The following NTRK3 variants were observed in gnomAD, a reference collection of about 807,000 sequenced individuals.
The protein encoded by NTRK3 is neurotrophic receptor tyrosine kinase 3, also known as NT-3 growth factor receptor.
Under a neutral mutation model 91.7 loss-of-function variants are expected in NTRK3, and 24 were observed. The observed-to-expected ratio is 0.26, with a 90% CI of 0.19 to 0.37. The LOEUF (loss-of-function observed/expected upper bound fraction) is 0.37, where lower values mean the gene tolerates loss of function less well. NTRK3 is among the 10% of genes least tolerant of loss of function. NTRK3 has a pLI of 1.00. For synonymous variants in NTRK3, 483 were observed against 404.0 expected, an observed-to-expected ratio of 1.20 and a Z score of -2.34; for missense variants, 880 against 1,068.9, an observed-to-expected ratio of 0.82 and a Z score of 2.46.
intron 5 of NTRK3, among the ~76,000 whole-genome samples, chr15:88,158,603 C>T (rs566409645): frequency 4.6e-5 from 7 of 152,348 alleles, no homozygotes; most frequent in African/African-American, 1.4e-4. Flanking sequence ...TTGCACCAGA[C>T]CTTGAGTGTT....
intron 5 of NTRK3, among the ~76,000 whole-genome samples, chr15:88,156,800 C>T (rs1468904100): frequency 6.6e-6 from 1 of 152,188 alleles, no homozygotes; most frequent in Non-Finnish European, 1.5e-5. Flanking sequence ...TTGAAGACAA[C>T]CTTTTCTTTT....
Position 88,133,345 on chromosome 15 carries a change from C to A in NTRK3, c.1204+1756G>T, listed in dbSNP as rs114460348. Among the ~76,000 whole-genome samples the A allele has an allele frequency of 6.8e-3, 1,039 of 152,232 alleles. 17 individuals carry two copies. The highest frequency in any genetic ancestry group is 0.024 in the African/African-American group (993 of 41,534). On this transcript the variant is annotated intron_variant, in intron 10 of 18. Transcript: ENST00000394480. ...GGAGAGAACGGAGAAGCTGTATCCA[C>A]CACATCATCCAACTGCTGCTGCTAC...
In NTRK3 at chr15:88,239,872, G is replaced by T. The variant is rs78408666; in HGVS notation, c.248+16034C>A. ...ATATCAACAGTCACTCTCAAAGTGT[G>T]GTCCTGGACTCGATGCGAATTCTCA... is the stretch of plus-strand genomic sequence containing the variant. On this transcript the variant is annotated intron_variant, in intron 3 of 18. Coordinates refer to ENST00000394480, the Ensembl canonical transcript of NTRK3. Among the ~76,000 whole-genome samples the T allele has an allele frequency of 4.7e-3, 710 of 152,260 alleles. 2 individuals are homozygous for T. Among genetic ancestry groups the T allele is most frequent in the African/African-American group, 0.016 (685 of 41,540 alleles).
At chr15:88,020,847 C>A (rs573592332) in intron 14 of NTRK3, among the ~76,000 whole-genome samples, 22 of 152,320 alleles carry the variant, frequency 1.4e-4, no homozygotes, top group Non-Finnish European at 8.8e-5. Flanking sequence ...AGCCGCTAGA[C>A]CCTGCCTACT....
chr15:87,946,760 A>C (rs2070550769), intron 14 of NTRK3, among the ~76,000 whole-genome samples: 1 of 151,460 alleles, frequency 6.6e-6, no homozygotes. Context: ...GCTCGTTGTT[A>C]TCCCTCTGTG....
chr15:88,017,472 CA>C (rs2077313982), intron 14 of NTRK3, among the ~76,000 whole-genome samples: 1 of 152,246 alleles, frequency 6.6e-6, no homozygotes, highest in Non-Finnish European at 1.5e-5. Context: ...AGAAAGAAGA[CA>C]ACTTCTGCTC....
intron 13 of NTRK3, among the ~76,000 whole-genome samples, chr15:88,100,300 A>G (rs1403408910): frequency 2.0e-5 from 3 of 152,186 alleles, no homozygotes; most frequent in Non-Finnish European, 1.5e-5. Flanking sequence ...TGTTATAACC[A>G]AACAGCCAAA....
intron 3 of NTRK3, among the ~76,000 whole-genome samples, chr15:88,221,743 C>T (rs547917876): frequency 1.6e-4 from 25 of 152,254 alleles, no homozygotes; most frequent in East Asian, 5.8e-4. Context: ...AGGCCAGTCC[C>T]GTAGTGACGG....
intron 10 of NTRK3, among the ~76,000 whole-genome samples, chr15:88,134,157 G>T (rs7165979): frequency 5.9e-5 from 9 of 152,018 alleles, no homozygotes; most frequent in African/African-American, 7.3e-5. Flanking sequence ...CTGATTCCTA[G>T]GGATTGAAGA....
intron 3 of NTRK3, among the ~76,000 whole-genome samples, chr15:88,218,613 T>C (rs2049988861): frequency 6.6e-6 from 1 of 152,218 alleles, no homozygotes; most frequent in Admixed American, 6.5e-5. Context: ...GCTGGAGCCC[T>C]GTGCACCACT....
In NTRK3 at chr15:88,235,137, A is replaced by G. The variant is rs74027915; in HGVS notation, c.248+20769T>C. ...AGCACTCTGTTGAGTACCTTCACGG[A>G]ACTTCTTACTCCTGATATGATTGTA... On this transcript the variant is annotated intron_variant, in intron 3 of 18. Coordinates refer to ENST00000394480, the Ensembl canonical transcript of NTRK3. The surrounding 1 kb of genome is among the most constrained non-coding windows in gnomAD (Gnocchi z 5.2). Among the ~76,000 whole-genome samples the G allele has an allele frequency of 0.027, 4,119 of 152,272 alleles. 190 individuals carry two copies. Among genetic ancestry groups the G allele is most frequent in the African/African-American group, 0.09 (3,739 of 41,530 alleles).
At chr15:87,959,110 G>A (rs1257751999) in intron 14 of NTRK3, among the ~76,000 whole-genome samples, 1 of 151,768 alleles carries the variant, frequency 6.6e-6, no homozygotes, top group Non-Finnish European at 1.5e-5. Flanking sequence ...GTCTGTGAAC[G>A]CTTGCTCTCC....
exon 19 of NTRK3, chr15:87,870,774 A>G (rs6496451): frequency 0.67 from 149,167 of 222,324 alleles, 50,277 homozygotes; most frequent in East Asian, 0.72. Context: ...GAGTGCCTCA[A>G]TGATTCTCAG....
chr15:87,927,796 C>G (rs2068450465), intron 17 of NTRK3: 1 of 152,176 alleles, frequency 6.6e-6, no homozygotes, highest in Non-Finnish European at 1.5e-5. Flanking sequence ...GAATTCCCAT[C>G]CTCCAGAACC....
chr15:87,933,232 G>A (rs2141959193), intron 15 of NTRK3, 48 bp from the exon 16 acceptor site: 4 of 1,589,086 alleles, frequency 2.5e-6, no homozygotes, highest in Non-Finnish European at 3.5e-6. Context: ...AGGGCAGGGG[G>A]CTGTCTTTTC....
chr15:88,139,210 A>T (rs2042155261), intron 6 of NTRK3, among the ~76,000 whole-genome samples: 1 of 152,182 alleles, frequency 6.6e-6, no homozygotes, highest in Non-Finnish European at 1.5e-5. Context: ...ACTTGAAGCA[A>T]GTCACCTCCC....
At chr15:88,095,174 C>G (rs1444697245) in intron 13 of NTRK3, among the ~76,000 whole-genome samples, 1 of 152,200 alleles carries the variant, frequency 6.6e-6, no homozygotes, top group African/African-American at 2.4e-5. Flanking sequence ...TGACTGCCTT[C>G]AAGTCAATGG....
At chr15:88,212,191 A>C (rs908075445) in intron 3 of NTRK3, among the ~76,000 whole-genome samples, 1 of 151,988 alleles carries the variant, frequency 6.6e-6, no homozygotes, top group South Asian at 2.1e-4. Context: ...ACACGGTGAA[A>C]CCCCGTCTCT....
intron 5 of NTRK3, among the ~76,000 whole-genome samples, chr15:88,179,900 C>T (rs575774560): frequency 2.0e-5 from 3 of 152,302 alleles, no homozygotes; most frequent in African/African-American, 7.2e-5. Context: ...TGAAGAAAGA[C>T]GCTGGAGAAT....
Sources: gnomAD v4.1 joint callset for allele counts (sites outside exome capture counted in the v4.1 genomes callset) on GRCh38, gnomAD v4.1.1 for gene constraint, Gnocchi (gnomAD v3.1) non-coding constraint, MANE v1.5 for transcripts, NCBI Gene and HGNC (gene_info 2026-07-23, HGNC 2026-07-21) for gene names.